Variants in ENOX1 observed in about 807,000 individuals in gnomAD.
The protein encoded by ENOX1 is ecto-NOX disulfide-thiol exchanger 1.
In ENOX1, 42 loss-of-function variants were observed where a neutral mutation model predicts 82.5. The ratio of observed to expected loss-of-function variants is 0.51; its 90% CI spans 0.40 to 0.66. The LOEUF is 0.66. Among genes scored for constraint, ENOX1 ranks in the 30% least tolerant of loss-of-function variants. ENOX1 has a pLI of 0.00. For synonymous variants in ENOX1, 271 were observed against 282.2 expected (o/e 0.96, Z 0.40); for missense variants, 608 against 811.6 (o/e 0.75, Z 3.05).
intron 3 of ENOX1, among the ~76,000 whole-genome samples, chr13:43,415,506 T>C (rs993398581): frequency 2.6e-5 from 4 of 152,114 alleles, no homozygotes; most frequent in Non-Finnish European, 5.9e-5. Flanking sequence ...TGCACCACCC[T>C]TAATCCATTT....
chr13:43,689,658 A>T (rs932466210), intron 1 of ENOX1, among the ~76,000 whole-genome samples: 16 of 152,212 alleles, frequency 1.1e-4, no homozygotes, highest in Non-Finnish European at 2.2e-4. Flanking sequence ...TGTGTCCATA[A>T]ATCAAGCTCT....
chr13:43,237,596 G>A (rs1655426731), intron 14 of ENOX1, among the ~76,000 whole-genome samples: 1 of 152,220 alleles, frequency 6.6e-6, no homozygotes. Flanking sequence ...CTGCAGGGAT[G>A]ATAGAGAACA....
intron 14 of ENOX1, among the ~76,000 whole-genome samples, chr13:43,237,473 C>T (rs2042605061): frequency 6.6e-6 from 1 of 152,176 alleles, no homozygotes; most frequent in Non-Finnish European, 1.5e-5. Context: ...GCATAGATGA[C>T]CTGCATATAT....
intron 2 of ENOX1, among the ~76,000 whole-genome samples, chr13:43,509,687 C>T (rs548581889): frequency 6.6e-6 from 1 of 152,224 alleles, no homozygotes; most frequent in African/African-American, 2.4e-5. Flanking sequence ...GGATGGTATT[C>T]TCATTCATCT....
At chr13:43,401,496 A>G (rs1274075270) in intron 5 of ENOX1, among the ~76,000 whole-genome samples, 1 of 152,172 alleles carries the variant, frequency 6.6e-6, no homozygotes, top group African/African-American at 2.4e-5. Flanking sequence ...TGAATTAGAC[A>G]TCTGGGGAAA....
At chr13:43,640,870 G>A (rs2083607142) in intron 2 of ENOX1, among the ~76,000 whole-genome samples, 2 of 150,752 alleles carry the variant, frequency 1.3e-5, no homozygotes, top group Admixed American at 6.6e-5. Flanking sequence ...ATACACACAT[G>A]CACACACACA....
intron 2 of ENOX1, among the ~76,000 whole-genome samples, chr13:43,600,302 C>G (rs1029278291): frequency 2.0e-5 from 3 of 152,182 alleles, no homozygotes; most frequent in Non-Finnish European, 4.4e-5. Flanking sequence ...GAGAAGTTCA[C>G]TGCCCTGAAG....
chr13:43,534,699 T>G (rs2153690380), intron 2 of ENOX1, among the ~76,000 whole-genome samples: 1 of 152,336 alleles, frequency 6.6e-6, no homozygotes, highest in Admixed American at 6.5e-5. Flanking sequence ...ATTTGTCAAC[T>G]GGCAACAATT....
intron 3 of ENOX1, among the ~76,000 whole-genome samples, chr13:43,416,500 T>TCTCCCAGACG (rs2054582021): frequency 1.5e-5 from 1 of 67,186 alleles, no homozygotes; most frequent in Admixed American, 1.6e-4. Flanking sequence ...TCCCAGATGA[T>TCTCCCAGACG]GGGTGGCCGG....
At chr13:43,270,572 T>C (rs577040582) in intron 12 of ENOX1, among the ~76,000 whole-genome samples, 1 of 152,274 alleles carries the variant, frequency 6.6e-6, no homozygotes, top group East Asian at 1.9e-4. Context: ...GGAGAAACAC[T>C]GGCACTGGAT....
chr13:43,358,583 T>C (rs1248651292), intron 7 of ENOX1, among the ~76,000 whole-genome samples: 1 of 152,210 alleles, frequency 6.6e-6, no homozygotes, highest in African/African-American at 2.4e-5. Context: ...TTCTTTATCA[T>C]CATCAGGATA....
intron 12 of ENOX1, among the ~76,000 whole-genome samples, chr13:43,293,184 C>T (rs947241607): frequency 2.6e-5 from 4 of 152,180 alleles, no homozygotes; most frequent in African/African-American, 9.7e-5. Flanking sequence ...CCACCCCCCT[C>T]ACAGATGCCT....
intron 8 of ENOX1, among the ~76,000 whole-genome samples, chr13:43,349,837 A>G (rs2049653845): frequency 6.6e-6 from 1 of 152,200 alleles, no homozygotes; most frequent in Admixed American, 6.5e-5. Context: ...AAAGGAATAG[A>G]TGTGATTCTT....
chr13:43,411,836 T>C (rs2054146514), intron 5 of ENOX1, 80 bp downstream of exon 5: 5 of 1,567,050 alleles, frequency 3.2e-6, no homozygotes, highest in Admixed American at 3.4e-5. Flanking sequence ...ACACTCGCGG[T>C]ACAGAGAGAT....
At chr13:43,726,718 T>TTC (rs2088984271) in intron 1 of ENOX1, among the ~76,000 whole-genome samples, 1 of 144,698 alleles carries the variant, frequency 6.9e-6, no homozygotes, top group Admixed American at 6.9e-5. Flanking sequence ...GCATTGACTT[T>TTC]TGTGTGTGTG....
At chr13:43,452,880 G>C (rs1462468838) in intron 3 of ENOX1, among the ~76,000 whole-genome samples, 1 of 152,104 alleles carries the variant, frequency 6.6e-6, no homozygotes, top group Non-Finnish European at 1.5e-5. Context: ...TCATAATATT[G>C]CTGGGCTTTT....
intron 2 of ENOX1, among the ~76,000 whole-genome samples, chr13:43,502,306 T>C (rs1375424311): frequency 6.6e-6 from 1 of 151,660 alleles, no homozygotes; most frequent in East Asian, 1.9e-4. Context: ...AAAGAATGAA[T>C]GCCAATATTC....
chr13:43,726,591 C>T (rs2088971529), intron 1 of ENOX1, among the ~76,000 whole-genome samples: 1 of 152,178 alleles, frequency 6.6e-6, no homozygotes, highest in Non-Finnish European at 1.5e-5. Context: ...TGTTGGAGAA[C>T]ACCTAACTCA....
chr13:43,405,285 C>T (rs1043166294), intron 5 of ENOX1, among the ~76,000 whole-genome samples: 5 of 152,174 alleles, frequency 3.3e-5, no homozygotes, highest in African/African-American at 1.2e-4. Context: ...GCAGGGTAGG[C>T]TGAAACTTGA....
Sources: gnomAD v4.1 joint callset for allele counts (sites outside exome capture counted in the v4.1 genomes callset) on GRCh38, gnomAD v4.1.1 for gene constraint, MANE v1.5 for transcripts, NCBI Gene and HGNC (gene_info 2026-07-23, HGNC 2026-07-21) for gene names.